ANKRD60: variants seen among roughly 807,000 people sequenced by gnomAD.
ANKRD60 encodes the protein ankyrin repeat domain 60.
Under a neutral mutation model 21.3 loss-of-function variants are expected in ANKRD60, and 24 were observed. That is an observed-to-expected ratio of 1.13 (90% CI 0.82 to 1.59). ANKRD60 has a LOEUF of 1.59. Among genes scored for constraint, ANKRD60 ranks in the 40% most tolerant of loss-of-function variants. The pLI is 0.00. For missense variants in ANKRD60, 490 were observed against 466.7 expected (o/e 1.05, Z -0.46); for synonymous variants, 182 against 199.4 (o/e 0.91, Z 0.74).
chr20:58,228,341 C>T lies in ANKRD60; in HGVS notation c.313G>A (p.Glu105Lys). ...CGGCAGTTTGCCACTCGGAACATCTCCCCCGTCTCCTCCAGCCGCACCCGC... is the reference window on the plus strand; with the variant it reads ...CGGCAGTTTGCCACTCGGAACATCTTCCCCGTCTCCTCCAGCCGCACCCGC... The change falls in exon 1 of 4, where the codon GAG becomes AAG. Residue 105 changes from glutamate (E) to lysine (K), a missense_variant. By Grantham distance (56) the Glu-to-Lys change is moderately conservative (BLOSUM62 1). Coordinates refer to ENST00000457363, the Ensembl canonical transcript of ANKRD60. The surrounding 1 kb of genome is among the most constrained non-coding windows in gnomAD (Gnocchi z 5.3). 3 of 1,550,996 alleles carry T rather than the reference C, an allele frequency of 1.9e-6. No homozygotes were observed. The highest frequency in any genetic ancestry group is 2.6e-6 in the Non-Finnish European group (3 of 1,146,930).
exon 4 of ANKRD60, chr20:58,218,582 C>T (rs1984179736): frequency 1.3e-6 from 2 of 1,551,752 alleles, no homozygotes; most frequent in Non-Finnish European, 1.7e-6. Flanking sequence ...CATTCAGATC[C>T]CTTATCCCCG....
In ANKRD60 at chr20:58,220,218, C is replaced by T. The variant is rs889270006; in HGVS notation, c.727+1120G>A. ...AGCCCAAACCATTGACCAAACACCA[C>T]GTAACATGTTCTCCCTTTTTCCAAG... is the stretch of plus-strand genomic sequence containing the variant. On this transcript the variant is annotated intron_variant, in intron 3 of 3. Coordinates refer to ENST00000457363, the Ensembl canonical transcript of ANKRD60. Among the ~76,000 whole-genome samples, 10 of 152,224 alleles carry T rather than the reference C, an allele frequency of 6.6e-5. No individual in the cohort carries two copies. In the South Asian group the frequency reaches 8.3e-4, roughly 13 times the overall value.
intron 1 of ANKRD60, among the ~76,000 whole-genome samples, chr20:58,226,137 G>A (rs1984360219): frequency 6.6e-6 from 1 of 152,218 alleles, no homozygotes; most frequent in Admixed American, 6.5e-5. Context: ...TATGTACTGG[G>A]TTAGTTGCCA....
Position 58,228,430 on chromosome 20 carries a change from C to T in ANKRD60, c.224G>A (p.Arg75Gln), listed in dbSNP as rs1487465016. 62 of 1,542,130 alleles carry T rather than the reference C, an allele frequency of 4.0e-5. No homozygotes were observed. The highest frequency in any genetic ancestry group is 5.1e-5 in the Non-Finnish European group (58 of 1,146,406). Reference sequence around the variant, plus strand: ...CGCGGCCTTCGGGTCACAGACGAGCCGCTGGCTCCGGCCGCGGGCACAGGC... The same window carrying T: ...CGCGGCCTTCGGGTCACAGACGAGCTGCTGGCTCCGGCCGCGGGCACAGGC... Residue 75 changes from arginine to glutamine, a missense_variant, in exon 1 of 4, where the codon CGG becomes CAG. Arg to Gln is a conservative substitution (Grantham distance 43). Transcript: ENST00000457363. The surrounding 1 kb of genome is among the most constrained non-coding windows in gnomAD (Gnocchi z 5.3).
At chr20:58,224,245 GCTTT>G (rs1283842285) in intron 1 of ANKRD60, among the ~76,000 whole-genome samples, 2 of 152,186 alleles carry the variant, frequency 1.3e-5, no homozygotes, top group African/African-American at 4.8e-5. Context: ...TAGGCCTCAT[GCTTT>G]CTTTATGAGC....
chr20:58,217,318 A>G (rs182018555), downstream of ANKRD60, among the ~76,000 whole-genome samples: 80 of 152,098 alleles, frequency 5.3e-4, 1 homozygote, highest in African/African-American at 1.8e-3. Context: ...AATCTTAGCT[A>G]CTCAAGAGGC....
chr20:58,220,684 GTGTGTGTGTGTGTGTGT>G, intron 3 of ANKRD60, among the ~76,000 whole-genome samples: 2 of 366 alleles, frequency 5.5e-3, no homozygotes, highest in Non-Finnish European at 0.043. Context: ...GTTTTTTCTA[GTGTGTGTGTGTGTGTGT>G]GTGTGTGTGT....
At chr20:58,227,199 T>G (rs1044759033) in intron 1 of ANKRD60, among the ~76,000 whole-genome samples, 2 of 152,176 alleles carry the variant, frequency 1.3e-5, no homozygotes, top group Non-Finnish European at 1.5e-5. Flanking sequence ...TGTTCTTGGT[T>G]TTGGGGTCCT....
chr20:58,227,237 GAC>G (rs1201575887), intron 1 of ANKRD60, among the ~76,000 whole-genome samples: 1 of 152,174 alleles, frequency 6.6e-6, no homozygotes, highest in African/African-American at 2.4e-5. Context: ...TTTCAGCTTT[GAC>G]CTCTTTGCCT....
intron 3 of ANKRD60, 126 bp from the exon 4 acceptor site, chr20:58,218,931 G>A: frequency 1.2e-6 from 1 of 832,768 alleles, no homozygotes; most frequent in Non-Finnish European, 1.8e-6. Flanking sequence ...GTACTGCCCT[G>A]CCCCCAGTCC....
chr20:58,218,406 T>C (rs1984174837), downstream of ANKRD60: 3 of 1,298,978 alleles, frequency 2.3e-6, no homozygotes, highest in African/African-American at 1.5e-5. Flanking sequence ...CCTGTTTTCC[T>C]GCCTCCCTGC....
At chr20:58,224,076 T>C (rs1984318481) in intron 1 of ANKRD60, among the ~76,000 whole-genome samples, 1 of 151,320 alleles carries the variant, frequency 6.6e-6, no homozygotes, top group African/African-American at 2.4e-5. Context: ...CATTCCAGCC[T>C]GGGCAATAGA....
At chr20:58,226,768 A>G (rs1414245204) in intron 1 of ANKRD60, among the ~76,000 whole-genome samples, 1 of 152,104 alleles carries the variant, frequency 6.6e-6, no homozygotes, top group African/African-American at 2.4e-5. Flanking sequence ...TGGTATGGTC[A>G]TGGTGAGCTC....
intron 1 of ANKRD60, among the ~76,000 whole-genome samples, chr20:58,223,788 G>A (rs1190127157): frequency 3.9e-5 from 6 of 152,198 alleles, no homozygotes; most frequent in Non-Finnish European, 7.3e-5. Context: ...CTAGCAGCAC[G>A]TTCACCAAAT....
At chr20:58,219,901 C>T (rs370440110) in intron 3 of ANKRD60, among the ~76,000 whole-genome samples, 8 of 152,134 alleles carry the variant, frequency 5.3e-5, no homozygotes, top group African/African-American at 1.2e-4. Flanking sequence ...TGCTGGGCTG[C>T]GCAAAGCCCA....
At chr20:58,224,203 C>A (rs1984322058) in intron 1 of ANKRD60, among the ~76,000 whole-genome samples, 1 of 152,192 alleles carries the variant, frequency 6.6e-6, no homozygotes, top group Non-Finnish European at 1.5e-5. Context: ...CTGACATCCA[C>A]CCCAATTTGG....
rs1984181751 is a variant in ANKRD60, at chr20:58,218,643, T to C, written c.890A>G (p.Asn297Ser). 1.9e-6 allele frequency: 3 copies of C among 1,551,780 alleles called. No individual in the cohort carries two copies. The African/African-American group carries it at 4.1e-5, about 21-fold the overall frequency. Reference sequence around the variant, plus strand: ...CATCTGCCTCTCGCTCAGTGTGTGGTTCAGGCGGTGTGCAATGGAGATGGG... The same window carrying C: ...CATCTGCCTCTCGCTCAGTGTGTGGCTCAGGCGGTGTGCAATGGAGATGGG... Residue 297 changes from asparagine (N) to serine (S), a missense_variant, in exon 4 of 4, where the codon AAC (asparagine) becomes AGC (serine). Coordinates refer to ENST00000457363, the Ensembl canonical transcript of ANKRD60.
chr20:58,221,378 G>A (rs1428400483), exon 3 of ANKRD60: 3 of 1,552,034 alleles, frequency 1.9e-6, no homozygotes, highest in African/African-American at 2.7e-5. Flanking sequence ...AGTGGCCTCT[G>A]TGTGAGGCCA....
In ANKRD60 at chr20:58,228,608, C is replaced by A; in HGVS notation, c.46G>T (p.Ala16Ser). ...GGCCCCGCCGCCCGCGCTCCGCCCG[C>A]CCCCGCCGCCGCCCGCCGCATCCCC... The change falls in exon 1 of 4, where the codon GCG (alanine) becomes TCG (serine). Residue 16 changes from alanine to serine, a missense_variant. Ala to Ser is a moderately conservative substitution (Grantham distance 99, BLOSUM62 1). Coordinates refer to ENST00000457363, the Ensembl canonical transcript of ANKRD60. The surrounding 1 kb of genome is among the most constrained non-coding windows in gnomAD (Gnocchi z 5.3). The A allele has an allele frequency of 9.5e-7, 1 of 1,049,242 alleles. No homozygotes were observed. The highest frequency in any genetic ancestry group is 1.1e-6 in the Non-Finnish European group (1 of 869,988). The allele number at this position is 1,049,242 out of a possible 1,614,324, so 65.0% of individuals were successfully genotyped here. A position where few individuals can be genotyped will look rare whatever the true frequency, so the allele number is the denominator to read the frequency against.
Sources: gnomAD v4.1 joint callset for allele counts (sites outside exome capture counted in the v4.1 genomes callset) on GRCh38, gnomAD v4.1.1 for gene constraint, Gnocchi (gnomAD v3.1) non-coding constraint, MANE v1.5 for transcripts, NCBI Gene and HGNC (gene_info 2026-07-23, HGNC 2026-07-21) for gene names.